The following UGT1A6 variants were observed in gnomAD, a reference collection of about 807,000 sequenced individuals.
UGT1A6 encodes UDP-glucuronosyltransferase 1A6.
UGT1A6 carries 32 observed loss-of-function variants against 44.4 expected under a neutral mutation model. That is an observed-to-expected ratio of 0.72 (90% CI 0.54 to 0.97). The LOEUF is 0.97. Ranked by LOEUF, UGT1A6 falls within the 50% of genes least tolerant of loss-of-function variation. The pLI is 0.00. For missense variants in UGT1A6, 685 were observed against 661.9 expected, an observed-to-expected ratio of 1.03 and a Z score of -0.38; for synonymous variants, 238 against 248.5, an observed-to-expected ratio of 0.96 and a Z score of 0.40.
Position 233,772,339 on chromosome 2 carries a change from G to C in UGT1A6, c.1379G>C (p.Trp460Ser), listed in dbSNP as rs1424603943. 4.3e-6 allele frequency: 7 copies of C among 1,614,256 alleles called. No individual in the cohort carries two copies. Among genetic ancestry groups the C allele is most frequent in the Non-Finnish European group, 5.9e-6 (7 of 1,180,038 alleles). ...GAGCCGCTGGACCTGGCCGTGTTCT[G>C]GGTGGAGTTTGTGATGAGGCACAAG... ...PVEPLDLAVF[W>S]VEFVMRHKGA... is the part of the protein sequence containing the mutation. The change falls in exon 5 of 5, where the codon TGG becomes TCG. Residue 460 changes from tryptophan to serine, a missense_variant. Transcript: ENST00000305139.
intron 1 of UGT1A6, chr2:233,729,291 C>A (rs370316255): frequency 1.9e-5 from 30 of 1,614,090 alleles, no homozygotes; most frequent in African/African-American, 2.7e-5. Context: ...ATGCCAGAGG[C>A]CACCAGGCAG....
intron 1 of UGT1A6, among the ~76,000 whole-genome samples, chr2:233,724,130 C>A (rs2077172730): frequency 2.5e-5 from 3 of 120,862 alleles, no homozygotes; most frequent in Non-Finnish European, 3.4e-5. Flanking sequence ...CCCCTCACCT[C>A]CCGGACGGGG....
chr2:233,729,062 G>A (rs930563151), intron 1 of UGT1A6: 176 of 1,610,848 alleles, frequency 1.1e-4, no homozygotes, highest in Admixed American at 1.2e-4. Context: ...TAATTAAGAT[G>A]AAGAAAGCAA....
chr2:233,719,879 C>T (rs573880021), intron 1 of UGT1A6, among the ~76,000 whole-genome samples: 35 of 152,076 alleles, frequency 2.3e-4, no homozygotes, highest in Non-Finnish European at 3.7e-4. Context: ...AGAAGAGGCA[C>T]GGATGAGGGT....
At chr2:233,744,493 T>G (rs1190368915) in intron 1 of UGT1A6, among the ~76,000 whole-genome samples, 2 of 152,058 alleles carry the variant, frequency 1.3e-5, no homozygotes, top group Admixed American at 1.3e-4. Context: ...GGCAATTTAG[T>G]AAGAATAAAC....
At chr2:233,766,917 A>C (rs993857330) in intron 1 of UGT1A6, 117 bp from the exon 2 acceptor site, 136 of 1,547,100 alleles carry the variant, frequency 8.8e-5, no homozygotes, top group Admixed American at 4.9e-4. Flanking sequence ...CTCTATCTCA[A>C]ACACGCATGC....
At chr2:233,716,882 C>T (rs960107716) in intron 1 of UGT1A6, among the ~76,000 whole-genome samples, 1 of 152,106 alleles carries the variant, frequency 6.6e-6, no homozygotes, top group African/African-American at 2.4e-5. Flanking sequence ...ATCTGTGCAG[C>T]CCAGACCCCT....
upstream of UGT1A6, chr2:233,691,718 G>C: frequency 1.1e-6 from 1 of 898,996 alleles, no homozygotes; most frequent in Non-Finnish European, 1.3e-6. Flanking sequence ...CTGGCAGATG[G>C]GTGGCTGGGC....
intron 1 of UGT1A6, among the ~76,000 whole-genome samples, chr2:233,711,620 C>T (rs893432462): frequency 6.6e-6 from 1 of 152,178 alleles, no homozygotes; most frequent in African/African-American, 2.4e-5. Context: ...GTGGACAGCT[C>T]CATTCGCTGC....
At chr2:233,754,914 A>G (rs755182850) in intron 1 of UGT1A6, 33 of 1,353,478 alleles carry the variant, frequency 2.4e-5, no homozygotes, top group Non-Finnish European at 3.2e-5. Flanking sequence ...AATATTCTCC[A>G]GCGGGTTTCC....
chr2:233,758,882 G>A (rs1040382997), intron 1 of UGT1A6, among the ~76,000 whole-genome samples: 12 of 152,162 alleles, frequency 7.9e-5, no homozygotes, highest in African/African-American at 2.7e-4. Context: ...ATAGTCCATG[G>A]TCAATAAATA....
intron 1 of UGT1A6, chr2:233,760,727 T>G: frequency 6.2e-7 from 1 of 1,614,214 alleles, no homozygotes; most frequent in Non-Finnish European, 8.5e-7. Context: ...AGCTTTGATG[T>G]CATGCTGACG....
intron 1 of UGT1A6, chr2:233,755,248 G>T: frequency 2.4e-6 from 2 of 834,922 alleles, no homozygotes; most frequent in Non-Finnish European, 3.6e-6. Flanking sequence ...GGTACTCCCA[G>T]CACCTCGTAG....
intron 1 of UGT1A6, chr2:233,743,840 A>C: frequency 7.3e-7 from 1 of 1,367,236 alleles, no homozygotes; most frequent in Non-Finnish European, 9.8e-7. Flanking sequence ...CTTGAGCGCC[A>C]GCTTGCGGTA....
Position 233,772,248 on chromosome 2 carries a change from G to A in UGT1A6, c.1302-14G>A. ...CAGGTGTTCCAGGCATAACGAAACT[G>A]TCTTTGTGTTTAGTTACAAGGAGAA... is the stretch of plus-strand genomic sequence containing the variant. On this transcript the variant is annotated splice_polypyrimidine_tract_variant and intron_variant, in intron 4 of 4. Transcript: ENST00000305139. 6.2e-7 allele frequency: 1 copy of A among 1,614,220 alleles called. No individual in the cohort carries two copies. The highest frequency in any genetic ancestry group is 1.7e-5 in the Admixed American group (1 of 60,030).
Position 233,748,064 on chromosome 2 carries a change from G to T in UGT1A6, c.862-18970G>T, listed in dbSNP as rs867030809. On this transcript the variant is annotated intron_variant, in intron 1 of 4. Transcript: ENST00000305139. ...TTGGGGGCATCAACTGTGCCAACAG[G>T]AAGCCACTATCTCAGGTCGGTGTTC... 3.5e-5 allele frequency: 57 copies of T among 1,612,772 alleles called. 2 individuals carry two copies. In the African/African-American group the frequency reaches 5.8e-4, roughly 16 times the overall value.
chr2:233,706,757 A>G (rs2075922753), intron 1 of UGT1A6, among the ~76,000 whole-genome samples: 1 of 152,212 alleles, frequency 6.6e-6, no homozygotes, highest in African/African-American at 2.4e-5. Context: ...AGAGTGCCGT[A>G]CACTGGTATC....
intron 1 of UGT1A6, among the ~76,000 whole-genome samples, chr2:233,702,648 A>G (rs1396425709): frequency 6.6e-6 from 1 of 152,146 alleles, no homozygotes; most frequent in East Asian, 1.9e-4. Context: ...ATCTATTCCT[A>G]GCTCGTTGAG....
chr2:233,700,256 G>A (rs1243486854), intron 1 of UGT1A6, among the ~76,000 whole-genome samples: 4 of 152,170 alleles, frequency 2.6e-5, no homozygotes, highest in African/African-American at 7.2e-5. Flanking sequence ...AAAATGCCAA[G>A]TCATTCTTAA....
Sources: gnomAD v4.1 joint callset for allele counts (sites outside exome capture counted in the v4.1 genomes callset) on GRCh38, gnomAD v4.1.1 for gene constraint, MANE v1.5 for transcripts, NCBI Gene and HGNC (gene_info 2026-07-23, HGNC 2026-07-21) for gene names.